FAM135B: variants seen among roughly 807,000 people sequenced by gnomAD.
FAM135B encodes protein FAM135B.
Under a neutral mutation model 127.7 loss-of-function variants are expected in FAM135B, and 43 were observed. The ratio of observed to expected loss-of-function variants is 0.34; its 90% confidence interval spans 0.26 to 0.43. The LOEUF is 0.43. FAM135B is among the 20% of genes least tolerant of loss of function. FAM135B has a pLI of 1.00. For synonymous variants in FAM135B, 670 were observed against 665.1 expected (o/e 1.01, Z -0.11); for missense variants, 1,558 against 1,725.6 (o/e 0.90, Z 1.72).
chr8:138,267,399 A>C (rs991731107), intron 3 of FAM135B, among the ~76,000 whole-genome samples: 1 of 152,190 alleles, frequency 6.6e-6, no homozygotes, highest in Non-Finnish European at 1.5e-5. Context: ...ACTGAGATGG[A>C]GCATTGCTAT....
rs2130902441 is a variant in FAM135B at position 138,167,998 on chromosome 8, G to T, written c.1155C>A (p.Leu385=). The change falls in exon 12 of 20, where the codon CTC becomes CTA. Residue 385 remains leucine, a synonymous_variant. Coordinates refer to ENST00000395297, the MANE Select transcript of FAM135B (RefSeq NM_015912.4). ...LSLDIRNSEY[L]TSMPPLPAEC... ...CTGCAGGCAGCGGGGGCATGCTAGT[G>T]AGGTACTCCGAGTTCCGGATATCCA... is the stretch of plus-strand genomic sequence containing the variant. 6.2e-7 allele frequency: 1 copy of T among 1,613,972 alleles called. No homozygotes were observed.
At chr8:138,406,060 T>C (rs200205164) in intron 1 of FAM135B, among the ~76,000 whole-genome samples, 1 of 144,394 alleles carries the variant, frequency 6.9e-6, no homozygotes, top group Non-Finnish European at 1.5e-5. Flanking sequence ...TTGATGGGGG[T>C]TGTTTGCTCC....
At chr8:138,276,159 G>A (rs567952041) in intron 3 of FAM135B, among the ~76,000 whole-genome samples, 19 of 152,266 alleles carry the variant, frequency 1.2e-4, no homozygotes, top group African/African-American at 3.4e-4. Flanking sequence ...CCTGAAACCC[G>A]TCCTGCTAAT....
intron 2 of FAM135B, among the ~76,000 whole-genome samples, chr8:138,356,643 T>C (rs10505701): frequency 0.032 from 4,924 of 152,224 alleles, 158 homozygotes; most frequent in East Asian, 0.17. Context: ...CAATGTATGA[T>C]GGTGAAAGCA....
intron 1 of FAM135B, among the ~76,000 whole-genome samples, chr8:138,414,119 C>CATAT (rs60918986): frequency 0.041 from 5,049 of 124,574 alleles, 255 homozygotes; most frequent in African/African-American, 0.088. Context: ...CACACAAATA[C>CATAT]ATATATATAT....
chr8:138,149,906 G>A (rs1817985803), intron 13 of FAM135B, among the ~76,000 whole-genome samples: 1 of 152,160 alleles, frequency 6.6e-6, no homozygotes, highest in African/African-American at 2.4e-5. Context: ...GGGAAACCCT[G>A]ACCAGGCAGG....
At chr8:138,135,924 A>G (rs947351820) in intron 19 of FAM135B, among the ~76,000 whole-genome samples, 2 of 152,156 alleles carry the variant, frequency 1.3e-5, no homozygotes, top group Admixed American at 6.5e-5. Flanking sequence ...TATAACATTT[A>G]TCATGAACAC....
intron 2 of FAM135B, among the ~76,000 whole-genome samples, chr8:138,311,276 C>T (rs190564267): frequency 4.0e-4 from 61 of 152,294 alleles, no homozygotes; most frequent in African/African-American, 1.4e-3. Flanking sequence ...AGGTTATTTA[C>T]GCACAGTGGA....
At chr8:138,390,537 G>A (rs1023423220) in intron 1 of FAM135B, among the ~76,000 whole-genome samples, 1 of 152,010 alleles carries the variant, frequency 6.6e-6, no homozygotes, top group Non-Finnish European at 1.5e-5. Flanking sequence ...CCATGAAAAG[G>A]GACTAATATA....
At chr8:138,280,646 G>A (rs1029864049) in intron 3 of FAM135B, among the ~76,000 whole-genome samples, 4 of 152,108 alleles carry the variant, frequency 2.6e-5, no homozygotes, top group African/African-American at 4.8e-5. Flanking sequence ...CACAGTGCTT[G>A]GAAAAAGCAA....
At chr8:138,282,707 CAAT>C (rs1347779180) in intron 3 of FAM135B, among the ~76,000 whole-genome samples, 1 of 152,162 alleles carries the variant, frequency 6.6e-6, no homozygotes, top group Non-Finnish European at 1.5e-5. Flanking sequence ...GGGGTAACAA[CAAT>C]AACTCTCATT....
At position 138,402,954 on chromosome 8, in the gene FAM135B, G is replaced by C. The variant is rs369965252; in HGVS notation, c.-19-34952C>G. Among the ~76,000 whole-genome samples the C allele has an allele frequency of 1.1e-3, 170 of 152,242 alleles. No individual in the cohort carries two copies. The Middle Eastern group carries it at 0.017, about 15-fold the overall frequency. On this transcript the variant is annotated intron_variant, in intron 1 of 19. Coordinates refer to ENST00000395297, the MANE Select transcript of FAM135B (RefSeq NM_015912.4). ...TGACCTTACAAGAAGAGACATGAAA[G>C]AGATGATCTTTCTCTCTGCCACGTG...
chr8:138,130,742 G>C lies in FAM135B; in HGVS notation c.*1851C>G, dbSNP rs954899627. ...CAATACCATGTGCTGCACGACTAGG[G>C]AACAAATGTCTCCCAGGTTACAGAG... is the stretch of plus-strand genomic sequence containing the variant. On this transcript the variant is annotated 3_prime_UTR_variant, in exon 20 of 20. Transcript: ENST00000395297. The C allele has an allele frequency of 6.6e-6, 1 of 152,304 alleles. No individual in the cohort carries two copies. The highest frequency in any genetic ancestry group is 1.9e-4 in the East Asian group (1 of 5,184). The allele number at this position is 152,304 out of a possible 1,614,324, so 9.4% of individuals were successfully genotyped here. A position where few individuals can be genotyped will look rare whatever the true frequency, so the allele number is the denominator to read the frequency against.
At chr8:138,398,718 G>A (rs1832983935) in intron 1 of FAM135B, among the ~76,000 whole-genome samples, 1 of 152,180 alleles carries the variant, frequency 6.6e-6, no homozygotes, top group African/African-American at 2.4e-5. Flanking sequence ...TTAAGGCAAT[G>A]TTGAGGCAAT....
chr8:138,289,527 C>G (rs1021990059), intron 3 of FAM135B, among the ~76,000 whole-genome samples: 2 of 152,210 alleles, frequency 1.3e-5, no homozygotes, highest in African/African-American at 4.8e-5. Context: ...GGTATCTTCC[C>G]AGGAGACCCG....
chr8:138,247,441 C>T (rs1821374304), intron 6 of FAM135B, among the ~76,000 whole-genome samples: 1 of 152,142 alleles, frequency 6.6e-6, no homozygotes, highest in Admixed American at 6.6e-5. Context: ...TTATAAGGGC[C>T]TTTTATCCTT....
At chr8:138,192,836 G>A (rs1447698678) in intron 9 of FAM135B, among the ~76,000 whole-genome samples, 12 of 152,198 alleles carry the variant, frequency 7.9e-5, no homozygotes, top group Non-Finnish European at 1.0e-4. Context: ...TCCCCGTCTT[G>A]CTAAATGAGC....
intron 3 of FAM135B, among the ~76,000 whole-genome samples, chr8:138,281,358 G>A (rs1024845344): frequency 2.0e-5 from 3 of 151,794 alleles, no homozygotes; most frequent in African/African-American, 7.3e-5. Flanking sequence ...TTGGTTGGGT[G>A]GCAACCAACT....
At chr8:138,161,198 G>C (rs1404595580) in intron 12 of FAM135B, among the ~76,000 whole-genome samples, 1 of 150,458 alleles carries the variant, frequency 6.6e-6, no homozygotes, top group African/African-American at 2.5e-5. Flanking sequence ...ACTCTCCTTT[G>C]TGGCACTCAG....
Sources: allele counts gnomAD v4.1 joint callset (sites outside exome capture counted in the v4.1 genomes callset), GRCh38; gene constraint gnomAD v4.1.1; transcripts MANE v1.5; gene names NCBI Gene and HGNC (gene_info 2026-07-23, HGNC 2026-07-21).